Variants in CHD7 observed in about 807,000 individuals in gnomAD.
CHD7 encodes ATP-dependent chromatin remodeler CHD7.
Under a neutral mutation model 307.3 loss-of-function variants are expected in CHD7, and 24 were observed. The observed-to-expected ratio is 0.08, with a 90% CI of 0.06 to 0.11. The LOEUF (loss-of-function observed/expected upper bound fraction) is 0.11, where lower values mean the gene tolerates loss of function less well. Among genes scored for constraint, CHD7 ranks in the 10% least tolerant of loss-of-function variants. The pLI is 1.00. For synonymous variants in CHD7, 1,363 were observed against 1,349.9 expected (o/e 1.01, Z -0.21); for missense variants, 3,106 against 3,727.1 (o/e 0.83, Z 4.34).
At chr8:60,724,895 A>G (rs1158775355) in intron 1 of CHD7, among the ~76,000 whole-genome samples, 1 of 152,240 alleles carries the variant, frequency 6.6e-6, no homozygotes, top group Non-Finnish European at 1.5e-5. Context: ...GGGCTATTAG[A>G]TATATGAAAT....
chr8:60,856,964 G>A, intron 34 of CHD7, 76 bp downstream of exon 34: 1 of 1,333,024 alleles, frequency 7.5e-7, no homozygotes, highest in Non-Finnish European at 1.0e-6. Flanking sequence ...ACGATGCTGG[G>A]CTGTGTTTCT....
chr8:60,706,304 GTAGT>G (rs1305131369), intron 1 of CHD7, among the ~76,000 whole-genome samples: 1 of 152,162 alleles, frequency 6.6e-6, no homozygotes. Flanking sequence ...TGTTCAGGAA[GTAGT>G]TAGGAATAAT....
chr8:60,680,433 T>G (rs1372867218), intron 1 of CHD7, among the ~76,000 whole-genome samples: 2 of 33,604 alleles, frequency 6.0e-5, no homozygotes, highest in Admixed American at 3.9e-4. Flanking sequence ...CGGCGGCGGC[T>G]CCCGGGCGGG....
chr8:60,713,406 G>A (rs1241066682), intron 1 of CHD7, among the ~76,000 whole-genome samples: 3 of 122,100 alleles, frequency 2.5e-5, no homozygotes, highest in Non-Finnish European at 5.8e-5. Context: ...CACTGCGCCC[G>A]GCCAGAAATT....
At chr8:60,734,216 T>C (rs1808592449) in intron 1 of CHD7, among the ~76,000 whole-genome samples, 1 of 152,232 alleles carries the variant, frequency 6.6e-6, no homozygotes, top group South Asian at 2.1e-4. Context: ...GCTCAGAGTC[T>C]GAGGGCAGGA....
Position 60,804,617 on chromosome 8 carries a change from G to A in CHD7, c.2442+3024G>A, listed in dbSNP as rs147197359. On this transcript the variant is annotated intron_variant, in intron 6 of 37. Transcript: ENST00000423902. ...AAAGTGAAAAGGGATTCATACCCACGCCTTATTGATAACTTTATTGAGGTG... is the reference window on the plus strand; with the variant it reads ...AAAGTGAAAAGGGATTCATACCCACACCTTATTGATAACTTTATTGAGGTG... 3.9e-5 allele frequency among the ~76,000 whole-genome samples: 6 copies of A among 152,244 alleles called. No individual in the cohort carries two copies. In the East Asian group the frequency reaches 7.7e-4, roughly 20 times the overall value.
intron 6 of CHD7, among the ~76,000 whole-genome samples, chr8:60,806,683 AT>A (rs1160951760): frequency 1.3e-5 from 2 of 152,156 alleles, no homozygotes; most frequent in Non-Finnish European, 2.9e-5. Context: ...CTTCTTGATG[AT>A]TTCTAGACAG....
chr8:60,744,306 C>T (rs1809207875), intron 2 of CHD7, among the ~76,000 whole-genome samples: 1 of 152,218 alleles, frequency 6.6e-6, no homozygotes. Flanking sequence ...ATTGATTAGA[C>T]AGTCCACAGG....
At chr8:60,804,405 ATTCTTTATTT>A (rs1222170160) in intron 6 of CHD7, among the ~76,000 whole-genome samples, 1 of 152,112 alleles carries the variant, frequency 6.6e-6, no homozygotes, top group African/African-American at 2.4e-5. Context: ...ATTCCCTAAA[ATTCTTTATTT>A]TTCTTTAAGT....
At chr8:60,720,603 T>G (rs949626280) in intron 1 of CHD7, among the ~76,000 whole-genome samples, 1 of 152,220 alleles carries the variant, frequency 6.6e-6, no homozygotes, top group African/African-American at 2.4e-5. Context: ...TCGCCTTCTG[T>G]GACTGAATAT....
intron 1 of CHD7, among the ~76,000 whole-genome samples, chr8:60,693,310 T>A (rs1806293804): frequency 6.6e-6 from 1 of 152,220 alleles, no homozygotes; most frequent in Non-Finnish European, 1.5e-5. Context: ...CTTGCTTCCT[T>A]CCTGCTCCCC....
chr8:60,835,332 T>TG (rs1262159273), intron 15 of CHD7, among the ~76,000 whole-genome samples: 1 of 152,174 alleles, frequency 6.6e-6, no homozygotes, highest in African/African-American at 2.4e-5. Context: ...AAAATCCATG[T>TG]GGGGGAAAAG....
At chr8:60,799,818 G>A (rs1285662379) in intron 4 of CHD7, among the ~76,000 whole-genome samples, 1 of 152,122 alleles carries the variant, frequency 6.6e-6, no homozygotes, top group Non-Finnish European at 1.5e-5. Flanking sequence ...AACTAGATTT[G>A]TTATTTCCAT....
At chr8:60,721,949 T>C (rs1309280555) in intron 1 of CHD7, among the ~76,000 whole-genome samples, 1 of 152,234 alleles carries the variant, frequency 6.6e-6, no homozygotes, top group African/African-American at 2.4e-5. Context: ...CTCCTGCTCT[T>C]CATACAAAGT....
intron 4 of CHD7, among the ~76,000 whole-genome samples, chr8:60,798,450 C>T (rs1563609924): frequency 1.3e-5 from 2 of 152,124 alleles, no homozygotes; most frequent in African/African-American, 4.8e-5. Context: ...CATATTATAC[C>T]GAGTTTGTAT....
At chr8:60,705,413 A>G (rs1806977168) in intron 1 of CHD7, among the ~76,000 whole-genome samples, 1 of 152,196 alleles carries the variant, frequency 6.6e-6, no homozygotes, top group Non-Finnish European at 1.5e-5. Context: ...AAACATGCTT[A>G]TTTGTTCTTT....
At chr8:60,837,921 T>A in intron 18 of CHD7, 86 bp downstream of exon 18, 8 of 1,366,754 alleles carry the variant, frequency 5.9e-6, no homozygotes, top group Non-Finnish European at 7.9e-6. Flanking sequence ...AGCCTTTGAT[T>A]ATTTTTCGAC....
At chr8:60,704,711 T>C (rs549742167) in intron 1 of CHD7, among the ~76,000 whole-genome samples, 2 of 151,840 alleles carry the variant, frequency 1.3e-5, no homozygotes, top group East Asian at 3.9e-4. Flanking sequence ...TGATGATGAG[T>C]TGGGTGTGGG....
intron 3 of CHD7, among the ~76,000 whole-genome samples, chr8:60,784,666 G>A (rs572177580): frequency 1.3e-5 from 2 of 152,274 alleles, no homozygotes; most frequent in East Asian, 3.9e-4. Context: ...CTGTAAAATG[G>A]CAGAAGCTTG....
Sources: gnomAD v4.1 joint callset for allele counts (sites outside exome capture counted in the v4.1 genomes callset) on GRCh38, gnomAD v4.1.1 for gene constraint, MANE v1.5 for transcripts, NCBI Gene and HGNC (gene_info 2026-07-23, HGNC 2026-07-21) for gene names.